RIMS2: variants seen among roughly 807,000 people sequenced by gnomAD.
The protein encoded by RIMS2 is regulating synaptic membrane exocytosis protein 2.
A neutral mutation model predicts 174.4 loss-of-function variants in RIMS2; 59 were observed. That is an observed-to-expected ratio of 0.34 (90% CI 0.27 to 0.42). The LOEUF is 0.42. RIMS2 is among the 10% of genes least tolerant of loss of function. The pLI is 1.00. For synonymous variants in RIMS2, 606 were observed against 572.5 expected, an observed-to-expected ratio of 1.06 and a Z score of -0.84; for missense variants, 1,620 against 1,666.3, an observed-to-expected ratio of 0.97 and a Z score of 0.48.
chr8:103,867,674 T>C (rs188598853), intron 3 of RIMS2, among the ~76,000 whole-genome samples: 211 of 152,078 alleles, frequency 1.4e-3, no homozygotes, highest in African/African-American at 4.9e-3. Context: ...ATAATAATTA[T>C]GATAATAACC....
intron 1 of RIMS2, among the ~76,000 whole-genome samples, chr8:103,527,872 G>C (rs73007911): frequency 0.18 from 27,683 of 152,134 alleles, 2,763 homozygotes; most frequent in African/African-American, 0.26. Context: ...TGTCTTTATA[G>C]CAGCATGATT....
At chr8:103,778,437 C>A (rs566303232) in intron 3 of RIMS2, among the ~76,000 whole-genome samples, 1 of 152,140 alleles carries the variant, frequency 6.6e-6, no homozygotes, top group East Asian at 1.9e-4. Context: ...CCTCTGGTAA[C>A]CATCAATCTA....
chr8:103,599,085 C>T (rs1020158414), intron 1 of RIMS2, among the ~76,000 whole-genome samples: 1 of 152,020 alleles, frequency 6.6e-6, no homozygotes, highest in African/African-American at 2.4e-5. Context: ...GTCTGAAAGC[C>T]ATATTAAAAC....
chr8:104,030,870 ACTTAT>A (rs1274298777), intron 19 of RIMS2, among the ~76,000 whole-genome samples: 5 of 152,050 alleles, frequency 3.3e-5, no homozygotes, highest in Non-Finnish European at 7.4e-5. Flanking sequence ...AGTATATTTT[ACTTAT>A]CTTGTTTATA....
intron 1 of RIMS2, among the ~76,000 whole-genome samples, chr8:103,582,615 C>G (rs1475500831): frequency 3.3e-5 from 5 of 152,168 alleles, no homozygotes; most frequent in Admixed American, 2.6e-4. Context: ...CTTAAGAAAC[C>G]TTGGACCTTA....
intron 19 of RIMS2, among the ~76,000 whole-genome samples, chr8:104,065,605 A>G (rs1398843656): frequency 6.6e-6 from 1 of 152,112 alleles, no homozygotes; most frequent in Non-Finnish European, 1.5e-5. Context: ...AGAAGACTTC[A>G]TATGAACCAA....
At chr8:104,248,647 C>A in intron 20 of RIMS2, 54 bp from the exon 27 acceptor site, 1 of 962,746 alleles carries the variant, frequency 1.0e-6, no homozygotes, top group Non-Finnish European at 1.7e-6. Context: ...ACCAAGCTTA[C>A]CTGAAAATAA....
intron 15 of RIMS2, 76 bp from the exon 18 acceptor site, chr8:103,975,274 T>A: frequency 1.1e-6 from 1 of 914,946 alleles, no homozygotes. Context: ...AACATTTTGT[T>A]TTTGAGTAAA....
chr8:103,937,573 G>A lies in RIMS2; in HGVS notation c.2547+851G>A, dbSNP rs554047837. 2.6e-5 allele frequency among the ~76,000 whole-genome samples: 4 copies of A among 152,302 alleles called. No homozygotes were observed. The East Asian group carries it at 7.7e-4, about 29-fold the overall frequency. ...TAGAATATAACATGCCAATTGATAT[G>A]AAGAGGAAAATGCAATAGGAATACG... On this transcript the variant is annotated intron_variant, in intron 13 of 23. Transcript: ENST00000504942.
chr8:103,512,457 A>G (rs530077793), intron 1 of RIMS2, among the ~76,000 whole-genome samples: 2 of 152,112 alleles, frequency 1.3e-5, no homozygotes, highest in Non-Finnish European at 2.9e-5. Context: ...ACTCCATGTC[A>G]TCCTCATCCT....
In RIMS2 at chr8:103,600,765, A is replaced by G. The variant is rs1473206866; in HGVS notation, c.177-96321A>G. 2.0e-5 allele frequency among the ~76,000 whole-genome samples: 3 copies of G among 152,166 alleles called. No individual in the cohort carries two copies. The East Asian group carries it at 5.8e-4, about 29-fold the overall frequency. On this transcript the variant is annotated intron_variant, in intron 1 of 23. Transcript: ENST00000504942. Reference sequence around the variant, plus strand: ...CTCAACATTTTAGTTTTTTTGAGGAACCTGGAAACTGTTCTCCATAGTGGT... The same window carrying G: ...CTCAACATTTTAGTTTTTTTGAGGAGCCTGGAAACTGTTCTCCATAGTGGT...
At chr8:103,962,567 A>G (rs2090486962) in intron 15 of RIMS2, among the ~76,000 whole-genome samples, 1 of 152,156 alleles carries the variant, frequency 6.6e-6, no homozygotes, top group South Asian at 2.1e-4. Flanking sequence ...ATCCAATGCG[A>G]TTTTGAGAAA....
intron 17 of RIMS2, among the ~76,000 whole-genome samples, chr8:104,008,274 A>G (rs949369067): frequency 6.6e-6 from 1 of 152,046 alleles, no homozygotes; most frequent in Non-Finnish European, 1.5e-5. Flanking sequence ...AAAAATAAGG[A>G]TTTTACAGGT....
At chr8:103,583,208 A>T (rs1378684502) in intron 1 of RIMS2, among the ~76,000 whole-genome samples, 1 of 152,230 alleles carries the variant, frequency 6.6e-6, no homozygotes, top group Non-Finnish European at 1.5e-5. Flanking sequence ...ATGAGTTTGT[A>T]AGAACCACAG....
chr8:104,013,468 C>G lies in RIMS2; in HGVS notation c.3071C>G (p.Pro1024Arg), dbSNP rs756343731. Residue 1024 changes from proline (P) to arginine (R), a missense_variant, in exon 18 of 24, where the codon CCA becomes CGA. Physicochemically the swap from Pro to Arg is moderately radical, Grantham distance 103. This residue lies in a region of RIMS2 where 1,395 missense variants were observed against 1,360.1 expected (regional missense o/e 1.03). Coordinates refer to ENST00000504942, the Ensembl canonical transcript of RIMS2. Reference sequence around the variant, plus strand: ...GATTGTGAAGCAGCAGATAGACAGCCATATCACAGATCCAGATCAACAGAA... The same window carrying G: ...GATTGTGAAGCAGCAGATAGACAGCGATATCACAGATCCAGATCAACAGAA... 3.1e-6 allele frequency: 5 copies of G among 1,613,708 alleles called. No individual in the cohort carries two copies. The highest frequency in any genetic ancestry group is 4.2e-6 in the Non-Finnish European group (5 of 1,179,816).
chr8:104,036,176 G>C (rs183389795), intron 19 of RIMS2, among the ~76,000 whole-genome samples: 1 of 148,944 alleles, frequency 6.7e-6, no homozygotes, highest in African/African-American at 2.5e-5. Flanking sequence ...TTTGAGATGG[G>C]GTCTCTCTCT....
intron 3 of RIMS2, among the ~76,000 whole-genome samples, chr8:103,785,731 CTTTG>C (rs1037302984): frequency 2.6e-5 from 4 of 152,144 alleles, no homozygotes; most frequent in South Asian, 2.1e-4. Flanking sequence ...CTAAAAATCT[CTTTG>C]TTTGTTTTGT....
chr8:103,562,244 C>T (rs1484322127), intron 1 of RIMS2, among the ~76,000 whole-genome samples: 1 of 152,224 alleles, frequency 6.6e-6, no homozygotes, highest in Non-Finnish European at 1.5e-5. Flanking sequence ...TCCAAAGTCT[C>T]ATCTGAGACA....
chr8:104,252,506 T>C (rs1325709687), downstream of RIMS2: 2 of 149,638 alleles, frequency 1.3e-5, no homozygotes, highest in South Asian at 4.3e-4. Context: ...ACTTAAATTA[T>C]TTTCTTGGGG....
Sources: allele counts gnomAD v4.1 joint callset (sites outside exome capture counted in the v4.1 genomes callset), GRCh38; gene constraint gnomAD v4.1.1; regional missense constraint gnomAD v4.1.1; transcripts MANE v1.5; gene names NCBI Gene and HGNC (gene_info 2026-07-23, HGNC 2026-07-21).